DSCAM: variants seen among roughly 807,000 people sequenced by gnomAD.
DSCAM encodes cell adhesion molecule DSCAM.
DSCAM carries 47 observed loss-of-function variants against 217.7 expected under a neutral mutation model. The ratio of observed to expected loss-of-function variants is 0.22; its 90% CI spans 0.17 to 0.28. The LOEUF (loss-of-function observed/expected upper bound fraction) is 0.28. Among genes scored for constraint, DSCAM ranks in the 10% least tolerant of loss-of-function variants. DSCAM has a pLI of 1.00. For synonymous variants in DSCAM, 1,056 were observed against 1,015.3 expected (o/e 1.04, Z -0.76); for missense variants, 2,080 against 2,618.3 (o/e 0.79, Z 4.49).
chr21:40,559,207 C>A (rs974781230), intron 3 of DSCAM, among the ~76,000 whole-genome samples: 1 of 152,068 alleles, frequency 6.6e-6, no homozygotes, highest in African/African-American at 2.4e-5. Context: ...GCCTGTAATC[C>A]CAGACCTTTG....
At chr21:40,097,612 A>G (rs1196162065) in intron 20 of DSCAM, among the ~76,000 whole-genome samples, 1 of 152,164 alleles carries the variant, frequency 6.6e-6, no homozygotes, top group African/African-American at 2.4e-5. Context: ...ACCTGATATA[A>G]AAGCAATATC....
intron 18 of DSCAM, among the ~76,000 whole-genome samples, chr21:40,137,420 C>T (rs1030711617): frequency 6.6e-6 from 1 of 151,988 alleles, no homozygotes; most frequent in East Asian, 1.9e-4. Flanking sequence ...GGCTATTTTC[C>T]TGATGACAGA....
At chr21:40,827,499 A>G (rs2091979793) in intron 1 of DSCAM, among the ~76,000 whole-genome samples, 1 of 151,882 alleles carries the variant, frequency 6.6e-6, no homozygotes, top group Admixed American at 6.6e-5. Flanking sequence ...AAAGAAAGAA[A>G]GAAAATAAAC....
intron 3 of DSCAM, among the ~76,000 whole-genome samples, chr21:40,674,079 T>G (rs2090308844): frequency 6.6e-6 from 1 of 152,228 alleles, no homozygotes; most frequent in Admixed American, 6.5e-5. Flanking sequence ...GCTTAATGTA[T>G]TATTTCCTAA....
At chr21:40,354,552 A>C (rs371474639) in intron 4 of DSCAM, among the ~76,000 whole-genome samples, 1 of 151,964 alleles carries the variant, frequency 6.6e-6, no homozygotes, top group Non-Finnish European at 1.5e-5. Context: ...TTAAACAGAA[A>C]AAAAGAGCAA....
At chr21:40,507,149 C>A (rs1333659611) in intron 3 of DSCAM, among the ~76,000 whole-genome samples, 1 of 152,036 alleles carries the variant, frequency 6.6e-6, no homozygotes. Context: ...TGGTGGCACA[C>A]ACCTGTAATC....
intron 1 of DSCAM, among the ~76,000 whole-genome samples, chr21:40,808,562 C>A (rs1262798277): frequency 2.0e-5 from 3 of 150,600 alleles, no homozygotes; most frequent in Non-Finnish European, 4.4e-5. Flanking sequence ...CAGCCTCAAT[C>A]TCCTGGGCTC....
intron 16 of DSCAM, among the ~76,000 whole-genome samples, chr21:40,147,354 G>A (rs2090369108): frequency 6.6e-6 from 1 of 152,228 alleles, no homozygotes; most frequent in Non-Finnish European, 1.5e-5. Flanking sequence ...CAGGTAGAAA[G>A]GAGAAATCTT....
At chr21:40,703,027 A>G (rs1430436838) in intron 2 of DSCAM, among the ~76,000 whole-genome samples, 1 of 152,148 alleles carries the variant, frequency 6.6e-6, no homozygotes, top group Non-Finnish European at 1.5e-5. Context: ...AAAATATTGC[A>G]ATTTTTTAAA....
At chr21:40,811,288 C>T (rs1209368318) in intron 1 of DSCAM, among the ~76,000 whole-genome samples, 2 of 152,148 alleles carry the variant, frequency 1.3e-5, no homozygotes, top group African/African-American at 4.8e-5. Flanking sequence ...AGCCAGAACC[C>T]CCAAATTAGT....
chr21:40,665,867 G>C (rs1179909181), intron 3 of DSCAM, among the ~76,000 whole-genome samples: 1 of 152,212 alleles, frequency 6.6e-6, no homozygotes, highest in African/African-American at 2.4e-5. Context: ...CCTCGGGTGT[G>C]AAGATTGCAG....
chr21:40,750,699 A>G (rs2091219229), intron 1 of DSCAM, among the ~76,000 whole-genome samples: 1 of 151,692 alleles, frequency 6.6e-6, no homozygotes, highest in South Asian at 2.1e-4. Context: ...CTTTTTACTG[A>G]GCCCCTGATC....
intron 3 of DSCAM, among the ~76,000 whole-genome samples, chr21:40,655,861 G>A (rs541187505): frequency 2.0e-5 from 3 of 152,166 alleles, no homozygotes; most frequent in South Asian, 2.1e-4. Flanking sequence ...CCAGGCCAGC[G>A]TGGCAGCATA....
intron 32 of DSCAM, among the ~76,000 whole-genome samples, chr21:40,033,078 A>C (rs1439648936): frequency 6.6e-6 from 1 of 152,194 alleles, no homozygotes; most frequent in East Asian, 1.9e-4. Flanking sequence ...AGATGTATGT[A>C]ACCAGTTTCA....
chr21:40,280,198 T>TC (rs2073741409), intron 10 of DSCAM, among the ~76,000 whole-genome samples: 1 of 150,604 alleles, frequency 6.6e-6, no homozygotes, highest in Admixed American at 6.6e-5. Context: ...TTTTTTTTTT[T>TC]TGAGACAGGG....
chr21:40,057,397 A>G (rs770248098), intron 28 of DSCAM, among the ~76,000 whole-genome samples: 6 of 152,214 alleles, frequency 3.9e-5, no homozygotes, highest in Non-Finnish European at 8.8e-5. Flanking sequence ...TAGACAAGCT[A>G]TATTTCCACA....
intron 3 of DSCAM, among the ~76,000 whole-genome samples, chr21:40,620,213 GAGAGAAAAAAGAAAAAGAA>G: frequency 9.0e-6 from 1 of 111,690 alleles, no homozygotes; most frequent in African/African-American, 3.9e-5. Flanking sequence ...GAGAGAAAGA[GAGAGAAAAAAGAAAAAGAA>G]AGAAAGAGAG....
intron 4 of DSCAM, among the ~76,000 whole-genome samples, 159 bp from the exon 5 acceptor site, chr21:40,353,902 T>A (rs180891355): frequency 2.6e-4 from 40 of 152,348 alleles, no homozygotes; most frequent in Non-Finnish European, 5.6e-4. Flanking sequence ...AAGTGCCCTA[T>A]TCATACAATT....
At chr21:40,095,880 A>G (rs949749149) in intron 20 of DSCAM, among the ~76,000 whole-genome samples, 18 of 152,250 alleles carry the variant, frequency 1.2e-4, no homozygotes, top group African/African-American at 4.3e-4. Flanking sequence ...TATGATACAA[A>G]AAGACCTAAA....
Sources: allele counts gnomAD v4.1 joint callset (sites outside exome capture counted in the v4.1 genomes callset), GRCh38; gene constraint gnomAD v4.1.1; transcripts MANE v1.5; gene names NCBI Gene and HGNC (gene_info 2026-07-23, HGNC 2026-07-21).